The following PHF24 variants were observed in gnomAD, a reference collection of about 807,000 sequenced individuals.
PHF24 encodes the protein PHD finger protein 24.
Under a neutral mutation model 42.6 loss-of-function variants are expected in PHF24, and 25 were observed. That is an observed-to-expected ratio of 0.59 (90% CI 0.43 to 0.82). PHF24 has a LOEUF of 0.82. Ranked by LOEUF, PHF24 falls within the 40% of genes least tolerant of loss-of-function variation. The pLI is 0.00. For synonymous variants in PHF24, 185 were observed against 204.8 expected, an observed-to-expected ratio of 0.90 and a Z score of 0.83; for missense variants, 470 against 538.1, an observed-to-expected ratio of 0.87 and a Z score of 1.25.
the PHF24 span, among the ~76,000 whole-genome samples, chr9:34,909,623 CCTT>C: frequency 6.6e-6 from 1 of 150,450 alleles, no homozygotes; most frequent in Non-Finnish European, 1.5e-5. Flanking sequence ...GAGAAGAAAT[CCTT>C]TTTTTTTTTT....
At chr9:34,771,935 C>G in the PHF24 span, among the ~76,000 whole-genome samples, 79 of 152,202 alleles carry the variant, frequency 5.2e-4, no homozygotes, top group Non-Finnish European at 8.5e-4. Flanking sequence ...CTGAGACATG[C>G]TAGGATTTAA....
chr9:34,806,527 C>T, the PHF24 span, among the ~76,000 whole-genome samples: 1,603 of 152,196 alleles, frequency 0.011, 30 homozygotes, highest in African/African-American at 0.035. Flanking sequence ...GGCACGATCT[C>T]GGCTCACTGA....
the PHF24 span, among the ~76,000 whole-genome samples, chr9:34,816,132 A>T: frequency 6.6e-6 from 1 of 151,446 alleles, no homozygotes; most frequent in African/African-American, 2.4e-5. Context: ...GTTTTAGGGT[A>T]AACTTTTGCA....
At chr9:34,828,294 C>A in the PHF24 span, among the ~76,000 whole-genome samples, 1 of 152,130 alleles carries the variant, frequency 6.6e-6, no homozygotes, top group Non-Finnish European at 1.5e-5. Context: ...CCAAAGCCAG[C>A]CCCTTGACTT....
At chr9:34,912,209 A>T in the PHF24 span, among the ~76,000 whole-genome samples, 1 of 152,190 alleles carries the variant, frequency 6.6e-6, no homozygotes, top group African/African-American at 2.4e-5. Context: ...ACTGGGGGAA[A>T]AAATGCCTCT....
At chr9:34,830,825 A>T in the PHF24 span, among the ~76,000 whole-genome samples, 10 of 152,338 alleles carry the variant, frequency 6.6e-5, no homozygotes, top group East Asian at 1.9e-3. Context: ...TACATTTCTT[A>T]GCAGCTCCTT....
the PHF24 span, chr9:34,833,959 A>G: frequency 1.3e-6 from 2 of 1,544,828 alleles, no homozygotes; most frequent in Non-Finnish European, 1.8e-6. Context: ...GGAAGGCCAG[A>G]TGCTTGTGCC....
At chr9:34,944,904 A>AAG in the PHF24 span, among the ~76,000 whole-genome samples, 1 of 151,860 alleles carries the variant, frequency 6.6e-6, no homozygotes, top group Non-Finnish European at 1.5e-5. Flanking sequence ...AAAAAAAAAA[A>AAG]AGGAAAAAAA....
the PHF24 span, chr9:34,922,974 GT>G: frequency 5.4e-6 from 6 of 1,119,576 alleles, no homozygotes; most frequent in Non-Finnish European, 7.5e-6. Context: ...CCTCGCCCCA[GT>G]CTACCTGGGG....
the PHF24 span, among the ~76,000 whole-genome samples, chr9:34,785,907 A>G: frequency 7.2e-5 from 11 of 152,366 alleles, 1 homozygote; most frequent in Non-Finnish European, 1.3e-4. Flanking sequence ...TATTGGAAAC[A>G]TAATTGTGTA....
chr9:34,978,818 G>T (rs546602897), exon 8 of PHF24: 3 of 152,278 alleles, frequency 2.0e-5, no homozygotes, highest in African/African-American at 7.2e-5. Flanking sequence ...ACTGGAAGAG[G>T]GGGAGGCAGC....
At chr9:34,903,153 A>C in the PHF24 span, among the ~76,000 whole-genome samples, 1 of 152,220 alleles carries the variant, frequency 6.6e-6, no homozygotes, top group East Asian at 1.9e-4. Context: ...ATAGATAAAA[A>C]GGTTGATTCT....
At chr9:34,671,851 C>G in the PHF24 span, among the ~76,000 whole-genome samples, 21 of 148,730 alleles carry the variant, frequency 1.4e-4, no homozygotes, top group South Asian at 2.1e-3. Flanking sequence ...ATCCATCCAT[C>G]CATGTGTCTA....
At chr9:34,777,185 T>G in the PHF24 span, among the ~76,000 whole-genome samples, 1 of 152,128 alleles carries the variant, frequency 6.6e-6, no homozygotes, top group Admixed American at 6.5e-5. Context: ...GTGGGCTGAT[T>G]CTTGGGCCTC....
the PHF24 span, among the ~76,000 whole-genome samples, chr9:34,804,294 T>C: frequency 6.6e-6 from 1 of 152,286 alleles, no homozygotes; most frequent in South Asian, 2.1e-4. Context: ...AGTGAGTCAA[T>C]GGCAGAATAA....
chr9:34,837,061 A>G, the PHF24 span: 3 of 471,264 alleles, frequency 6.4e-6, no homozygotes, highest in South Asian at 4.6e-5. Flanking sequence ...ACAGCAATAG[A>G]TCACCTTTTC....
chr9:34,893,286 C>T, the PHF24 span: 1 of 409,582 alleles, frequency 2.4e-6, no homozygotes, highest in East Asian at 3.5e-5. Context: ...TGTCTACCTC[C>T]CTGTTTTTCT....
At chr9:34,726,874 G>C in the PHF24 span, 1 of 1,551,794 alleles carries the variant, frequency 6.4e-7, no homozygotes, top group Non-Finnish European at 8.7e-7. Flanking sequence ...AGATCTGGTT[G>C]TTCTCACCCA....
the PHF24 span, among the ~76,000 whole-genome samples, chr9:34,752,303 G>A: frequency 6.6e-6 from 1 of 151,874 alleles, no homozygotes; most frequent in Non-Finnish European, 1.5e-5. Context: ...CTTTAGCCAG[G>A]CTAAGAAAAA....
Sources: gnomAD v4.1 joint callset for allele counts (sites outside exome capture counted in the v4.1 genomes callset) on GRCh38, gnomAD v4.1.1 for gene constraint, MANE v1.5 for transcripts, NCBI Gene and HGNC (gene_info 2026-07-23, HGNC 2026-07-21) for gene names.